KIF6: variants seen among roughly 807,000 people sequenced by gnomAD.
KIF6 encodes kinesin family member 6.
A neutral mutation model predicts 112.7 loss-of-function variants in KIF6; 106 were observed. That is an observed-to-expected ratio of 0.94 (90% confidence interval 0.80 to 1.11). The LOEUF is 1.11. KIF6 is among the 50% of genes least tolerant of loss of function. The pLI, the probability that KIF6 is intolerant of heterozygous loss-of-function variation, is 0.00. For synonymous variants in KIF6, 339 were observed against 339.9 expected, an observed-to-expected ratio of 1.00 and a Z score of 0.03; for missense variants, 929 against 964.0, an observed-to-expected ratio of 0.96 and a Z score of 0.48.
chr6:39,500,957 T>C (rs1367820955), intron 13 of KIF6, among the ~76,000 whole-genome samples: 1 of 152,020 alleles, frequency 6.6e-6, no homozygotes, highest in Non-Finnish European at 1.5e-5. Context: ...GATGGCCAAT[T>C]AGAAGCAGCT....
intron 13 of KIF6, among the ~76,000 whole-genome samples, chr6:39,438,517 A>G (rs1187158592): frequency 6.6e-6 from 1 of 152,204 alleles, no homozygotes; most frequent in Non-Finnish European, 1.5e-5. Context: ...AAAGTCTAAA[A>G]GCTTAAAAAA....
chr6:39,436,098 A>G, intron 13 of KIF6, among the ~76,000 whole-genome samples: 1 of 152,110 alleles, frequency 6.6e-6, no homozygotes, highest in East Asian at 1.9e-4. Context: ...TTTAATTTGC[A>G]TTTCCCTGAT....
intron 13 of KIF6, among the ~76,000 whole-genome samples, chr6:39,513,437 A>C (rs1173057188): frequency 6.6e-6 from 1 of 152,218 alleles, no homozygotes. Context: ...TTTAAGCATC[A>C]GGGCCCCTTA....
At chr6:39,460,371 T>A (rs1773386466) in intron 13 of KIF6, among the ~76,000 whole-genome samples, 1 of 65,022 alleles carries the variant, frequency 1.5e-5, no homozygotes, top group Non-Finnish European at 2.7e-5. Flanking sequence ...CCGGGGACTG[T>A]GGTGGGGTGG....
At chr6:39,387,314 T>C (rs72860064) in intron 15 of KIF6, among the ~76,000 whole-genome samples, 19,233 of 152,136 alleles carry the variant, frequency 0.13, 2,515 homozygotes, top group African/African-American at 0.33. Flanking sequence ...TATCTGAGGA[T>C]GCTATGATTG....
At chr6:39,708,658 C>A (rs1789354257) in intron 3 of KIF6, among the ~76,000 whole-genome samples, 1 of 152,162 alleles carries the variant, frequency 6.6e-6, no homozygotes, top group South Asian at 2.1e-4. Context: ...ACACCCCAAG[C>A]TTTTAGGTAA....
chr6:39,574,088 A>G (rs1337853099), intron 10 of KIF6, among the ~76,000 whole-genome samples: 3 of 152,214 alleles, frequency 2.0e-5, no homozygotes, highest in Non-Finnish European at 4.4e-5. Context: ...GTCCTTCAGT[A>G]TTTCAATCTA....
intron 5 of KIF6, among the ~76,000 whole-genome samples, chr6:39,634,629 G>T (rs772057448): frequency 3.3e-5 from 5 of 151,898 alleles, no homozygotes; most frequent in Non-Finnish European, 7.4e-5. Context: ...AACTCCAAAA[G>T]AGATTTTCCC....
intron 3 of KIF6, among the ~76,000 whole-genome samples, chr6:39,693,641 C>A (rs1447047776): frequency 6.6e-6 from 1 of 151,794 alleles, no homozygotes; most frequent in Non-Finnish European, 1.5e-5. Context: ...TTGAAAAGAC[C>A]AATAATGAGT....
At chr6:39,544,936 T>C (rs1382950415) in intron 11 of KIF6, among the ~76,000 whole-genome samples, 1 of 152,148 alleles carries the variant, frequency 6.6e-6, no homozygotes, top group Non-Finnish European at 1.5e-5. Context: ...CTTCCCTAAA[T>C]TGGGAAATGC....
chr6:39,678,467 G>T (rs1787309607), intron 3 of KIF6, among the ~76,000 whole-genome samples: 1 of 152,134 alleles, frequency 6.6e-6, no homozygotes. Context: ...TACAGGCCAG[G>T]CTTTTCTTTC....
chr6:39,463,710 A>G (rs1338380049), intron 13 of KIF6, among the ~76,000 whole-genome samples: 2 of 152,166 alleles, frequency 1.3e-5, no homozygotes, highest in East Asian at 1.9e-4. Context: ...CATTTTTCAT[A>G]TCAACACATC....
At chr6:39,607,004 G>A (rs537659600) in intron 6 of KIF6, among the ~76,000 whole-genome samples, 1 of 152,192 alleles carries the variant, frequency 6.6e-6, no homozygotes, top group African/African-American at 2.4e-5. Context: ...CATAGTTTGA[G>A]GTTATGGCTA....
intron 2 of KIF6, among the ~76,000 whole-genome samples, chr6:39,716,211 T>A (rs1448669875): frequency 3.3e-5 from 5 of 152,330 alleles, no homozygotes; most frequent in African/African-American, 1.2e-4. Context: ...TCATTTCTAA[T>A]TGATCTATTC....
chr6:39,619,236 G>T (rs1439962346), intron 5 of KIF6, among the ~76,000 whole-genome samples: 1 of 152,074 alleles, frequency 6.6e-6, no homozygotes, highest in Non-Finnish European at 1.5e-5. Context: ...CTATCCACAT[G>T]AATTTCTTTT....
chr6:39,644,460 A>G (rs1785063076), intron 3 of KIF6, among the ~76,000 whole-genome samples: 1 of 152,196 alleles, frequency 6.6e-6, no homozygotes, highest in Non-Finnish European at 1.5e-5. Flanking sequence ...TACTGTATCC[A>G]TTCCATGGGA....
intron 15 of KIF6, among the ~76,000 whole-genome samples, chr6:39,402,093 T>C (rs1768751861): frequency 6.6e-6 from 1 of 152,170 alleles, no homozygotes; most frequent in Non-Finnish European, 1.5e-5. Flanking sequence ...TTCTGCATGC[T>C]GAGGTGAGCT....
intron 18 of KIF6, among the ~76,000 whole-genome samples, chr6:39,358,038 G>A (rs1764848379): frequency 6.6e-6 from 1 of 152,132 alleles, no homozygotes; most frequent in Admixed American, 6.5e-5. Flanking sequence ...TTGTCCCAAA[G>A]ACCCCCTACT....
At chr6:39,492,931 T>C (rs1431399559) in intron 13 of KIF6, among the ~76,000 whole-genome samples, 4 of 152,194 alleles carry the variant, frequency 2.6e-5, no homozygotes, top group African/African-American at 9.7e-5. Flanking sequence ...CTTTTCTCAT[T>C]GACATCTAAA....
Sources: allele counts gnomAD v4.1 joint callset (sites outside exome capture counted in the v4.1 genomes callset), GRCh38; gene constraint gnomAD v4.1.1; transcripts MANE v1.5; gene names NCBI Gene and HGNC (gene_info 2026-07-23, HGNC 2026-07-21).